Variants in PCARE observed in about 807,000 individuals in gnomAD.
PCARE encodes the protein uncharacterized protein C2orf71.
A neutral mutation model predicts 82.2 loss-of-function variants in PCARE; 72 were observed. The ratio of observed to expected loss-of-function variants is 0.88; its 90% CI spans 0.72 to 1.07. The LOEUF (loss-of-function observed/expected upper bound fraction) is 1.07. PCARE is among the 50% of genes least tolerant of loss of function. The pLI, the probability that PCARE is intolerant of heterozygous loss-of-function variation, is 0.00. For synonymous variants in PCARE, 705 were observed against 634.8 expected (o/e 1.11, Z -1.66); for missense variants, 1,768 against 1,592.4 (o/e 1.11, Z -1.88).
rs903334927 is a variant in PCARE at position 29,063,927 on chromosome 2, G to A, written c.*942C>T. The stretch of plus-strand genomic sequence containing the variant: ...ATGCCTCACCCACGCTATCTTCTGA[G>A]CTCCAGCACCCACGGCATGTGGAGA... On this transcript the variant is annotated 3_prime_UTR_variant, in exon 2 of 2. Transcript: ENST00000331664. The A allele has an allele frequency of 1.3e-5, 2 of 152,972 alleles. No individual in the cohort carries two copies. Among genetic ancestry groups the A allele is most frequent in the Non-Finnish European group, 2.9e-5 (2 of 68,070 alleles). 9.5% of individuals were successfully genotyped at this position (152,972 alleles called of 1,614,324 possible). A position where few individuals can be genotyped will look rare whatever the true frequency, so the allele number is the denominator to read the frequency against.
rs778840236 is a variant in PCARE at position 29,070,807 on chromosome 2, G to A, written c.3455C>T (p.Ala1152Val). 1.2e-6 allele frequency: 2 copies of A among 1,614,178 alleles called. No homozygotes were observed. The highest frequency in any genetic ancestry group is 1.7e-6 in the Non-Finnish European group (2 of 1,180,044). Reference sequence around the variant, plus strand: ...TGCTGGGTTCCCGAGAGGGCCCCCAGCCTCTGGCGGCAGCGATGGTGGGGT... The same window carrying A: ...TGCTGGGTTCCCGAGAGGGCCCCCAACCTCTGGCGGCAGCGATGGTGGGGT... Reference protein sequence around the residue: ...PLTPPSLPPEAGGPLGNPAEC... With the variant: ...PLTPPSLPPEVGGPLGNPAEC... Residue 1152 changes from alanine to valine, a missense_variant, in exon 1 of 2, where the codon GCT (alanine) becomes GTT (valine). Ala to Val is a moderately conservative substitution (Grantham distance 64). Coordinates refer to ENST00000331664, the MANE Select transcript of PCARE (RefSeq NM_001029883.3).
At position 29,072,895 on chromosome 2, in the gene PCARE, C is replaced by G; in HGVS notation, c.1367G>C (p.Cys456Ser). 6.2e-7 allele frequency: 1 copy of G among 1,614,156 alleles called. No homozygotes were observed. The highest frequency in any genetic ancestry group is 1.3e-5 in the African/African-American group (1 of 75,010). The change falls in exon 1 of 2, where the codon TGT becomes TCT. Residue 456 changes from cysteine (C) to serine (S), a missense_variant. Coordinates refer to ENST00000331664, the MANE Select transcript of PCARE (RefSeq NM_001029883.3). ...AGAGACCCCAATCCCAAAGGAATCACATGGGGTGCTTGTCCCCAGCTTCAA... is the reference window on the plus strand; with the variant it reads ...AGAGACCCCAATCCCAAAGGAATCAGATGGGGTGCTTGTCCCCAGCTTCAA... ...PPLKLGTSTP[C>S]DSFGIGVSVE...
In PCARE at chr2:29,063,954, T is replaced by C. The variant is rs896705049; in HGVS notation, c.*915A>G. ...TCCAGCACCCACGGCATGTGGAGAA[T>C]GGGCTGCCTTGTTTGGGAGGCTTGG... On this transcript the variant is annotated 3_prime_UTR_variant, in exon 2 of 2. Coordinates refer to ENST00000331664, the MANE Select transcript of PCARE (RefSeq NM_001029883.3). 6.5e-6 allele frequency: 1 copy of C among 153,160 alleles called. No individual in the cohort carries two copies. The allele number at this position is 153,160 out of a possible 1,614,324, so 9.5% of individuals were successfully genotyped here. A position where few individuals can be genotyped will look rare whatever the true frequency, so the allele number is the denominator to read the frequency against.
Position 29,073,376 on chromosome 2 carries a change from A to T in PCARE, c.886T>A (p.Ser296Thr). The T allele has an allele frequency of 6.2e-7, 1 of 1,613,808 alleles. No individual in the cohort carries two copies. The highest frequency in any genetic ancestry group is 8.5e-7 in the Non-Finnish European group (1 of 1,180,028). Residue 296 changes from serine (S) to threonine (T), a missense_variant, in exon 1 of 2, where the codon TCC (serine) becomes ACC (threonine). Ser to Thr is a moderately conservative substitution (Grantham distance 58). Coordinates refer to ENST00000331664, the MANE Select transcript of PCARE (RefSeq NM_001029883.3). ...ASLTGSFLEG[S>T]SSYLHSTATH... ...GCAGTGGAGTGGAGGTAGCTGCTGG[A>T]GCCCTCCAGGAAGCTGCCGGTGAGC...
In PCARE at chr2:29,071,844, G is replaced by A. The variant is rs189042259; in HGVS notation, c.2418C>T (p.Pro806=). 3.1e-4 allele frequency: 501 copies of A among 1,614,252 alleles called. 2 individuals are homozygous for A. The African/African-American group carries it at 4.9e-3, about 16-fold the overall frequency. The stretch of plus-strand genomic sequence containing the variant: ...TGGCTGCTTCTGCTTTAGGCAGAGG[G>A]GGAAAGATAGGTGCTAAGGGCTTCC... ...IGWKPLAPIF[P]PLPKAEAAKS... Residue 806 remains proline, a synonymous_variant, in exon 1 of 2, where the codon CCC becomes CCT. Coordinates refer to ENST00000331664, the MANE Select transcript of PCARE (RefSeq NM_001029883.3).
At position 29,073,397 on chromosome 2, in the gene PCARE, T is replaced by G. The variant is rs765893472; in HGVS notation, c.865A>C (p.Thr289Pro). The stretch of plus-strand genomic sequence containing the variant: ...CTGGAGCCCTCCAGGAAGCTGCCGG[T>G]GAGCGAGGCCACTGTGCCATTGAGC... ...QVLNGTVASL[T>P]GSFLEGSSSY... Residue 289 changes from threonine to proline, a missense_variant, in exon 1 of 2, where the codon ACC (threonine) becomes CCC (proline). Transcript: ENST00000331664. 3 of 1,613,908 alleles carry G rather than the reference T, an allele frequency of 1.9e-6. No individual in the cohort carries two copies. In the East Asian group the frequency reaches 6.7e-5, roughly 36 times the overall value.
intron 1 of PCARE, among the ~76,000 whole-genome samples, chr2:29,068,106 A>AGTGCCCGCC (rs1667417136): frequency 6.6e-6 from 1 of 152,226 alleles, no homozygotes; most frequent in Admixed American, 6.5e-5. Flanking sequence ...GAAATCTAAT[A>AGTGCCCGCC]ACTGAATAAG....
In PCARE at chr2:29,073,179, C is replaced by G. The variant is rs371395617; in HGVS notation, c.1083G>C (p.Ser361=). 2 of 1,614,160 alleles carry G rather than the reference C, an allele frequency of 1.2e-6. No individual in the cohort carries two copies. The highest frequency in any genetic ancestry group is 1.7e-6 in the Non-Finnish European group (2 of 1,180,034). Residue 361 remains serine, a synonymous_variant, in exon 1 of 2, where the codon TCG becomes TCC. Coordinates refer to ENST00000331664, the MANE Select transcript of PCARE (RefSeq NM_001029883.3). ...GIGADNESVQ[S]VDKLGKQTSW... ...TGGTTTGCTTGCCCAGCTTGTCCAC[C>G]GACTGCACGGACTCATTGTCAGCAC...
chr2:29,068,601 A>T (rs1252064510), intron 1 of PCARE, among the ~76,000 whole-genome samples: 1 of 152,036 alleles, frequency 6.6e-6, no homozygotes. Context: ...TAAAATAACC[A>T]CTTGAGCATA....
Position 29,073,169 on chromosome 2 carries a change from G to A in PCARE, c.1093C>T (p.Leu365=). 1.2e-6 allele frequency: 2 copies of A among 1,614,098 alleles called. No individual in the cohort carries two copies. Among genetic ancestry groups the A allele is most frequent in the Non-Finnish European group, 1.7e-6 (2 of 1,180,012 alleles). The change falls in exon 1 of 2, where the codon CTG becomes TTG. Residue 365 remains leucine (L), a synonymous_variant. Coordinates refer to ENST00000331664, the MANE Select transcript of PCARE (RefSeq NM_001029883.3). ...AGGTCCCAGCTGGTTTGCTTGCCCA[G>A]CTTGTCCACCGACTGCACGGACTCA... The part of the protein sequence containing the change: ...DNESVQSVDK[L]GKQTSWDLAP...
chr2:29,062,697 T>C lies in PCARE; in HGVS notation c.*2172A>G, dbSNP rs533081127. ...CCACTTTCTACCCAGCCCTGGACTT[T>C]TAAGATGAGGCCCTTTACGGAAGGA... is the stretch of plus-strand genomic sequence containing the variant. On this transcript the variant is annotated 3_prime_UTR_variant, in exon 2 of 2. Transcript: ENST00000331664. 6.6e-6 allele frequency: 1 copy of C among 152,384 alleles called. No homozygotes were observed. The highest frequency in any genetic ancestry group is 2.4e-5 in the African/African-American group (1 of 41,574). The allele number at this position is 152,384 out of a possible 1,614,324, so 9.4% of individuals were successfully genotyped here. A position where few individuals can be genotyped will look rare whatever the true frequency, so the allele number is the denominator to read the frequency against.
chr2:29,064,814 T>C lies in PCARE; in HGVS notation c.*55A>G. The C allele has an allele frequency of 6.2e-7, 1 of 1,601,254 alleles. No homozygotes were observed. The highest frequency in any genetic ancestry group is 8.5e-7 in the Non-Finnish European group (1 of 1,177,328). ...CTCTGGGTCAGGCTGGACACTTGGC[T>C]GTCACACTTGGCCTTCTGGGGTGAC... On this transcript the variant is annotated 3_prime_UTR_variant, in exon 2 of 2. Coordinates refer to ENST00000331664, the MANE Select transcript of PCARE (RefSeq NM_001029883.3).
intron 1 of PCARE, among the ~76,000 whole-genome samples, chr2:29,068,074 TCTG>T (rs1667416769): frequency 1.3e-5 from 2 of 152,230 alleles, no homozygotes; most frequent in South Asian, 4.1e-4. Context: ...CTCAAGCTCT[TCTG>T]CTGAAGGGCA....
rs368417148 is a variant in PCARE at position 29,074,176 on chromosome 2, C to A, written c.86G>T (p.Arg29Leu). Reference protein sequence around the residue: ...IQFLKKPKAIRPGCQGGSERG... With the variant: ...IQFLKKPKAILPGCQGGSERG... ...TTCACTTCCGCCCTGACATCCTGGCCGAATTGCTTTGGGCTTTTTCAAGAA... is the reference window on the plus strand; with the variant it reads ...TTCACTTCCGCCCTGACATCCTGGCAGAATTGCTTTGGGCTTTTTCAAGAA... Residue 29 changes from arginine (R) to leucine (L), a missense_variant, in exon 1 of 2, where the codon CGG (arginine) becomes CTG (leucine). Arg to Leu is a moderately radical substitution (Grantham distance 102). Coordinates refer to ENST00000331664, the MANE Select transcript of PCARE (RefSeq NM_001029883.3). 3 of 1,608,700 alleles carry A rather than the reference C, an allele frequency of 1.9e-6. No homozygotes were observed. Among genetic ancestry groups the A allele is most frequent in the Non-Finnish European group, 2.5e-6 (3 of 1,176,710 alleles).
chr2:29,073,428 C>CA lies in PCARE; in HGVS notation c.833dup (p.Gln279AlafsTer32). ...AGGCCACTGTGCCATTGAGCACCTG[C>CA]AGCTTGCTGACTGTGTACTGTAGCA... is the stretch of plus-strand genomic sequence containing the variant. On this transcript the variant is annotated frameshift_variant, in exon 1 of 2. Coordinates refer to ENST00000331664, the MANE Select transcript of PCARE (RefSeq NM_001029883.3). LOFTEE classifies it high-confidence loss of function. 6.2e-7 allele frequency: 1 copy of CA among 1,614,120 alleles called. No individual in the cohort carries two copies. The highest frequency in any genetic ancestry group is 8.5e-7 in the Non-Finnish European group (1 of 1,180,034).
Position 29,063,245 on chromosome 2 carries a change from TGG to T in PCARE, c.*1622_*1623del, listed in dbSNP as rs1281886278. On this transcript the variant is annotated 3_prime_UTR_variant, in exon 2 of 2. Transcript: ENST00000331664. The stretch of plus-strand genomic sequence containing the variant: ...CAGCTCCTAAGTGTCCACCCAGCAG[TGG>T]GTGTGGCTTGGCTCTAGAATCGGCT... 6.6e-6 allele frequency: 1 copy of T among 152,244 alleles called. No individual in the cohort carries two copies. The highest frequency in any genetic ancestry group is 1.5e-5 in the Non-Finnish European group (1 of 68,084). The allele number at this position is 152,244 out of a possible 1,614,324, so 9.4% of individuals were successfully genotyped here.
Position 29,073,207 on chromosome 2 carries a change from A to G in PCARE, c.1055T>C (p.Ile352Thr), listed in dbSNP as rs986017991. The G allele has an allele frequency of 2.5e-6, 4 of 1,614,126 alleles. No homozygotes were observed. Among genetic ancestry groups the G allele is most frequent in the Non-Finnish European group, 3.4e-6 (4 of 1,180,006 alleles). The change falls in exon 1 of 2, where the codon ATT (isoleucine) becomes ACT (threonine). Residue 352 changes from isoleucine (I) to threonine (T), a missense_variant. Transcript: ENST00000331664. ...CTGCACGGACTCATTGTCAGCACCA[A>G]TGCCACTGTCCTCAGAGCATAAGGG... ...GLPLCSEDSGIGADNESVQSV... is the reference protein window; with the variant it reads ...GLPLCSEDSGTGADNESVQSV...
Position 29,063,328 on chromosome 2 carries a change from G to T in PCARE, c.*1541C>A, listed in dbSNP as rs551450504. 2 of 152,328 alleles carry T rather than the reference G, an allele frequency of 1.3e-5. No homozygotes were observed. Among genetic ancestry groups the T allele is most frequent in the African/African-American group, 4.8e-5 (2 of 41,456 alleles). 9.4% of individuals were successfully genotyped at this position (152,328 alleles called of 1,614,324 possible). A position where few individuals can be genotyped will look rare whatever the true frequency, so the allele number is the denominator to read the frequency against. On this transcript the variant is annotated 3_prime_UTR_variant, in exon 2 of 2. Transcript: ENST00000331664. The stretch of plus-strand genomic sequence containing the variant: ...GATGAGGGCGGCAACAGGAGCAAAT[G>T]CGAGCAGACAGCTGGGTGTGTCCCT...
In PCARE at chr2:29,071,692, T is replaced by G. The variant is rs758364172; in HGVS notation, c.2570A>C (p.Asn857Thr). The change falls in exon 1 of 2, where the codon AAC becomes ACC. Residue 857 changes from asparagine (N) to threonine (T), a missense_variant. Physicochemically the swap from Asn to Thr is moderately conservative, Grantham distance 65. Coordinates refer to ENST00000331664, the MANE Select transcript of PCARE (RefSeq NM_001029883.3). Reference sequence around the variant, plus strand: ...TGGCTCCTGGGTTTCCTTGGGGGAGTTCTCTGTGGACTTGCTGCTTTCTGG... The same window carrying G: ...TGGCTCCTGGGTTTCCTTGGGGGAGGTCTCTGTGGACTTGCTGCTTTCTGG... ...ESPESSKSTENSPKETQEPGP... is the reference protein window; with the variant it reads ...ESPESSKSTETSPKETQEPGP... 17 of 1,613,858 alleles carry G rather than the reference T, an allele frequency of 1.1e-5. No individual in the cohort carries two copies. The East Asian group carries it at 3.6e-4, about 34-fold the overall frequency.
Sources: allele counts gnomAD v4.1 joint callset (sites outside exome capture counted in the v4.1 genomes callset), GRCh38; gene constraint gnomAD v4.1.1; transcripts MANE v1.5; gene names NCBI Gene and HGNC (gene_info 2026-07-23, HGNC 2026-07-21).